The following MGST2 variants were observed in gnomAD, a reference collection of about 807,000 sequenced individuals.
MGST2 encodes microsomal glutathione S-transferase 2.
In MGST2, 9 loss-of-function variants were observed where a neutral mutation model predicts 16.6. The ratio of observed to expected loss-of-function variants is 0.54; its 90% confidence interval spans 0.33 to 0.95. The LOEUF is 0.95. MGST2 is among the 40% of genes least tolerant of loss of function. The pLI is 0.03. For missense variants in MGST2, 159 were observed against 175.1 expected (o/e 0.91, Z 0.52); for synonymous variants, 79 against 68.0 (o/e 1.16, Z -0.79).
intron 3 of MGST2, among the ~76,000 whole-genome samples, chr4:139,696,052 G>T (rs1423655958): frequency 2.6e-5 from 4 of 152,152 alleles, no homozygotes; most frequent in African/African-American, 9.7e-5. Flanking sequence ...CTAGGGAAAA[G>T]AAAATGTTAT....
chr4:139,712,060 T>C (rs1362014357), intron 5 of MGST2, among the ~76,000 whole-genome samples: 2 of 152,236 alleles, frequency 1.3e-5, no homozygotes, highest in Non-Finnish European at 2.9e-5. Context: ...GTAAGCTTGT[T>C]CTGTATTCCT....
chr4:139,672,600 G>A (rs1358233324), intron 1 of MGST2, among the ~76,000 whole-genome samples: 12 of 150,254 alleles, frequency 8.0e-5, no homozygotes, highest in Admixed American at 3.3e-4. Context: ...TTTTGACTCG[G>A]AGTACAGTGG....
At chr4:139,738,708 A>G (rs1358237659) in intron 5 of MGST2, among the ~76,000 whole-genome samples, 3 of 152,094 alleles carry the variant, frequency 2.0e-5, no homozygotes, top group Non-Finnish European at 4.4e-5. Flanking sequence ...ATAGAAAAAA[A>G]GGTACAGAGA....
At chr4:139,679,613 A>T (rs1053291118) in intron 2 of MGST2, among the ~76,000 whole-genome samples, 5 of 152,164 alleles carry the variant, frequency 3.3e-5, no homozygotes, top group African/African-American at 9.7e-5. Flanking sequence ...TACATCTTGA[A>T]TCAATTTTGG....
chr4:139,713,473 C>CAAAAAA (rs1217817783), intron 5 of MGST2, among the ~76,000 whole-genome samples: 1 of 4,116 alleles, frequency 2.4e-4, no homozygotes. Context: ...AGTGGCAAGA[C>CAAAAAA]AGAAAAAAAA....
At chr4:139,708,099 G>A (rs894353950), downstream of MGST2, among the ~76,000 whole-genome samples, 19 of 152,306 alleles carry the variant, frequency 1.2e-4, no homozygotes, top group African/African-American at 4.3e-4. Context: ...TGTTGCCATT[G>A]CTTTTGGTGT....
At chr4:139,680,353 G>T (rs938019155) in intron 2 of MGST2, among the ~76,000 whole-genome samples, 3 of 151,842 alleles carry the variant, frequency 2.0e-5, no homozygotes, top group Admixed American at 6.6e-5. Context: ...TTCTTTGTTT[G>T]CTTAGTTTCA....
Position 139,678,541 on chromosome 4 carries a change from A to C in MGST2, c.59-2A>C, listed in dbSNP as rs1464594317. ...TAACGCAACATTTCCCTTTACTTGC[A>C]GGTTATTTTGCTTTGCAAGTTGGAA... On this transcript the variant is annotated splice_acceptor_variant, in intron 1 of 4. Transcript: ENST00000265498. LOFTEE classifies it high-confidence loss of function. The C allele has an allele frequency of 1.9e-6, 3 of 1,612,516 alleles. No homozygotes were observed. The highest frequency in any genetic ancestry group is 1.3e-5 in the African/African-American group (1 of 74,904).
chr4:139,674,848 A>G (rs1040738823), intron 1 of MGST2, among the ~76,000 whole-genome samples: 2 of 152,234 alleles, frequency 1.3e-5, no homozygotes, highest in African/African-American at 4.8e-5. Context: ...TGTCCAATGC[A>G]GTTCCCAGCT....
At chr4:139,725,789 C>T (rs375746627) in intron 5 of MGST2, 22 of 1,613,802 alleles carry the variant, frequency 1.4e-5, no homozygotes, top group Middle Eastern at 1.6e-4. Context: ...GTATGGATTC[C>T]GCTGTGGCTG....
chr4:139,743,562 A>C (rs1474606513), downstream of MGST2, among the ~76,000 whole-genome samples: 1 of 152,192 alleles, frequency 6.6e-6, no homozygotes, highest in Admixed American at 6.5e-5. Flanking sequence ...CTAAATATAC[A>C]TGGCTGTAAA....
rs1043759320 is a variant in MGST2, at chr4:139,715,553, T to C, written c.*48+11357T>C. Reference sequence around the variant, plus strand: ...CAAGTTTATTAAGAAAGTAAAGGAATAAAAGAATGGCTACTCCATAGAGCA... The same window carrying C: ...CAAGTTTATTAAGAAAGTAAAGGAACAAAAGAATGGCTACTCCATAGAGCA... On this transcript the variant is annotated intron_variant, in intron 5 of 5. Coordinates refer to the MGST2 transcript ENST00000616265. This position sits in a 1 kb window ranked among gnomAD's most constrained non-coding sequence, Gnocchi z 4.4. Among the ~76,000 whole-genome samples, 4 of 152,110 alleles carry C rather than the reference T, an allele frequency of 2.6e-5. No individual in the cohort carries two copies. The highest frequency in any genetic ancestry group is 5.9e-5 in the Non-Finnish European group (4 of 68,026).
chr4:139,689,303 T>G (rs1342113511), intron 2 of MGST2, among the ~76,000 whole-genome samples: 3 of 152,068 alleles, frequency 2.0e-5, no homozygotes, highest in Admixed American at 6.5e-5. Context: ...GCATGCTCTT[T>G]GTGTTCCCTA....
intron 2 of MGST2, among the ~76,000 whole-genome samples, chr4:139,683,960 T>C (rs1715622555): frequency 7.6e-6 from 1 of 131,256 alleles, no homozygotes; most frequent in African/African-American, 2.8e-5. Context: ...AGTCTCACCC[T>C]GTCACCCAGG....
At chr4:139,724,775 C>CTT (rs34621312) in intron 5 of MGST2, among the ~76,000 whole-genome samples, 14 of 130,246 alleles carry the variant, frequency 1.1e-4, no homozygotes, top group South Asian at 2.5e-4. Flanking sequence ...CCTCAAGGGT[C>CTT]TTTTTTTTTT....
At chr4:139,668,185 T>C (rs1579281509) in intron 1 of MGST2, among the ~76,000 whole-genome samples, 1 of 152,170 alleles carries the variant, frequency 6.6e-6, no homozygotes, top group African/African-American at 2.4e-5. Flanking sequence ...CTCAAATCCA[T>C]AGAAGGGAGT....
chr4:139,702,448 A>G (rs1727299277), intron 3 of MGST2, among the ~76,000 whole-genome samples: 1 of 152,132 alleles, frequency 6.6e-6, no homozygotes. Context: ...AGCCTGTATA[A>G]TGCTTCATTC....
downstream of MGST2, chr4:139,704,327 A>G (rs890582119): frequency 8.4e-6 from 6 of 713,904 alleles, no homozygotes; most frequent in African/African-American, 8.9e-5. Flanking sequence ...GGGTAGGTAC[A>G]TCCATATCAT....
chr4:139,702,131 A>G (rs959782573), intron 3 of MGST2, among the ~76,000 whole-genome samples: 28 of 152,200 alleles, frequency 1.8e-4, no homozygotes, highest in African/African-American at 6.8e-4. Context: ...GAAGACATTG[A>G]TATGTATTGA....
Sources: allele counts gnomAD v4.1 joint callset (sites outside exome capture counted in the v4.1 genomes callset), GRCh38; gene constraint gnomAD v4.1.1; non-coding constraint Gnocchi (gnomAD v3.1); transcripts MANE v1.5; gene names NCBI Gene and HGNC (gene_info 2026-07-23, HGNC 2026-07-21).